Variants in PHKA2 observed in about 807,000 individuals in gnomAD.
The protein encoded by PHKA2 is phosphorylase kinase regulatory subunit alpha 2, also known as phosphorylase b kinase regulatory subunit alpha, liver isoform.
Under a neutral mutation model 102.0 loss-of-function variants are expected in PHKA2, and 31 were observed. That is an observed-to-expected ratio of 0.30 (90% confidence interval 0.23 to 0.41). PHKA2 has a LOEUF of 0.41. Ranked by LOEUF, PHKA2 falls within the 10% of genes least tolerant of loss-of-function variation. The pLI, the probability that PHKA2 is intolerant of heterozygous loss-of-function variation, is 1.00. For missense variants in PHKA2, 858 were observed against 1,023.1 expected, an observed-to-expected ratio of 0.84 and a Z score of 2.20; for synonymous variants, 455 against 416.2, an observed-to-expected ratio of 1.09 and a Z score of -1.13.
chrX:18,897,309 T>C lies in PHKA2; in HGVS notation c.3136A>G (p.Thr1046Ala). The part of the protein sequence containing the change: ...SARSSTPSSP[T>A]GTSSSDSGGH... ...CCCGAGTCTGAGGATGACGTGCCAG[T>C]GGGCGAGGATGGGGTGCTGGACCTC... Residue 1046 changes from threonine to alanine, a missense_variant, in exon 30 of 33, where the codon ACT (threonine) becomes GCT (alanine). Transcript: ENST00000379942. 2 of 1,209,338 alleles carry C rather than the reference T, an allele frequency of 1.7e-6. No individual in the cohort carries two copies. Among genetic ancestry groups the C allele is most frequent in the Non-Finnish European group, 2.2e-6 (2 of 894,908 alleles).
rs1175556735 is a variant in PHKA2, at chrX:18,900,691, C to T, written c.3036G>A (p.Arg1012=). Reference sequence around the variant, plus strand: ...TCACCTGTTCATCAGCACTAAACCGCCTAGTCATCTGAAAGCAAAAATACA... The same window carrying T: ...TCACCTGTTCATCAGCACTAAACCGTCTAGTCATCTGAAAGCAAAAATACA... ...RLRSEMKQMT[R]RFSADEQFFS... The change falls in exon 28 of 33, where the codon AGG becomes AGA. Residue 1012 remains arginine, a synonymous_variant. Transcript: ENST00000379942. 3 of 1,207,381 alleles carry T rather than the reference C, an allele frequency of 2.5e-6. No individual in the cohort carries two copies. The highest frequency in any genetic ancestry group is 3.4e-6 in the Non-Finnish European group (3 of 892,976).
chrX:18,930,531 T>C (rs936847963), intron 12 of PHKA2, among the ~76,000 whole-genome samples: 1 of 111,077 alleles, frequency 9.0e-6, no homozygotes, highest in Non-Finnish European at 1.9e-5. Flanking sequence ...ATCTCACTGA[T>C]ACAGAAATCA....
intron 17 of PHKA2, 47 bp downstream of exon 17, chrX:18,924,009 G>A: frequency 1.1e-6 from 1 of 880,674 alleles, no homozygotes; most frequent in Non-Finnish European, 1.7e-6. Context: ...AGGACTTTAA[G>A]AAAGGTCAGT....
chrX:18,971,706 A>G (rs1035139432), intron 1 of PHKA2, among the ~76,000 whole-genome samples: 10 of 112,698 alleles, frequency 8.9e-5, no homozygotes. Flanking sequence ...TAAATAACAA[A>G]TAATTCCAGA....
chrX:18,956,059 C>T (rs778123561), intron 1 of PHKA2, among the ~76,000 whole-genome samples: 10 of 112,094 alleles, frequency 8.9e-5, no homozygotes, highest in Admixed American at 7.6e-4. Flanking sequence ...TACGGTGGCT[C>T]ACGCCTGTAA....
At chrX:18,902,083 C>T (rs1041996747) in intron 26 of PHKA2, among the ~76,000 whole-genome samples, 9 of 110,967 alleles carry the variant, frequency 8.1e-5, no homozygotes, top group Non-Finnish European at 1.3e-4. Context: ...CCTTGTGATC[C>T]GCCCACCTTG....
At position 18,893,109 on chromosome X, in the gene PHKA2, C is replaced by T. The variant is rs952703951; in HGVS notation, c.*376G>A. 7 of 250,029 alleles carry T rather than the reference C, an allele frequency of 2.8e-5. No homozygotes were observed. The highest frequency in any genetic ancestry group is 5.2e-5 in the South Asian group (1 of 19,406). 20.6% of individuals were successfully genotyped at this position (250,029 alleles called of 1,213,427 possible). A position where few individuals can be genotyped will look rare whatever the true frequency, so the allele number is the denominator to read the frequency against. On this transcript the variant is annotated 3_prime_UTR_variant, in exon 33 of 33. Coordinates refer to ENST00000379942, the MANE Select transcript of PHKA2 (RefSeq NM_000292.3). ...TCTTTAGGATGTGTCACTAGCTCAT[C>T]GAAACTATTTCTGTAACTCTCTGCA...
At chrX:18,917,382 C>T (rs1361343680) in intron 19 of PHKA2, among the ~76,000 whole-genome samples, 1 of 109,034 alleles carries the variant, frequency 9.2e-6, no homozygotes, top group Non-Finnish European at 1.9e-5. Context: ...CCTCAGCCTC[C>T]TGAGTAGCTG....
intron 1 of PHKA2, among the ~76,000 whole-genome samples, chrX:18,975,654 A>T (rs1358446608): frequency 8.9e-6 from 1 of 111,738 alleles, no homozygotes; most frequent in East Asian, 2.8e-4. Flanking sequence ...GTCATTCTTG[A>T]CTTTTCTTTT....
At position 18,901,581 on chromosome X, in the gene PHKA2, T is replaced by C. The variant is rs779938800; in HGVS notation, c.2931A>G (p.Thr977=). 2.2e-5 allele frequency: 26 copies of C among 1,195,540 alleles called. No homozygotes were observed. The highest frequency in any genetic ancestry group is 2.8e-5 in the Non-Finnish European group (25 of 884,350). Residue 977 remains threonine (T), a synonymous_variant, in exon 27 of 33, where the codon ACA becomes ACG. Transcript: ENST00000379942. ...CGTGGATGGAGATGGTAGGGCTGGA[T>C]GTGGAGGAGTGGATAGGGCGCACTG... ...ERSVRPIHSS[T]SSPTISIHEV... is the part of the protein sequence containing the mutation.
chrX:18,963,664 T>C (rs970196953), intron 1 of PHKA2, among the ~76,000 whole-genome samples: 3 of 111,946 alleles, frequency 2.7e-5, no homozygotes, highest in Non-Finnish European at 5.6e-5. Context: ...TATATGGCCA[T>C]GATGAACTAG....
At chrX:18,962,363 C>T (rs747842033) in intron 1 of PHKA2, among the ~76,000 whole-genome samples, 1 of 112,083 alleles carries the variant, frequency 8.9e-6, no homozygotes, top group Non-Finnish European at 1.9e-5. Flanking sequence ...TAGATTGAAA[C>T]AAACTAAACA....
At position 18,894,393 on chromosome X, in the gene PHKA2, A is replaced by T. The variant is rs1184333914; in HGVS notation, c.3348T>A (p.His1116Gln). The T allele has an allele frequency of 6.7e-6, 8 of 1,189,720 alleles. No homozygotes were observed. In the African/African-American group the frequency reaches 8.8e-5, roughly 13 times the overall value. ...PSSTTREMTP[H>Q]EIKFAVHVES... The stretch of plus-strand genomic sequence containing the variant: ...CGACATGGACAGCAAACTTGATCTC[A>T]TGCGGGGTCATCTACCAAAGGGACA... The change falls in exon 32 of 33, where the codon CAT (histidine) becomes CAA (glutamine). Residue 1116 changes from histidine (H) to glutamine (Q), a missense_variant. His to Gln is a conservative substitution (Grantham distance 24, BLOSUM62 0). Around this residue, in one of 2 missense-constraint regions of PHKA2, gnomAD observed 671 missense variants for 745.2 expected, o/e 0.90. Transcript: ENST00000379942.
chrX:18,974,409 T>C (rs1475602431), intron 1 of PHKA2, among the ~76,000 whole-genome samples: 1 of 111,816 alleles, frequency 8.9e-6, no homozygotes, highest in Non-Finnish European at 1.9e-5. Context: ...CCAAATCTAA[T>C]GGTCAACTCT....
intron 9 of PHKA2, 56 bp downstream of exon 9, chrX:18,939,939 G>T: frequency 1.3e-6 from 1 of 797,697 alleles, no homozygotes; most frequent in Non-Finnish European, 1.9e-6. Context: ...ACAACACATT[G>T]GCAACTTAGA....
chrX:18,962,087 A>T (rs759496959), intron 1 of PHKA2, among the ~76,000 whole-genome samples: 33 of 112,151 alleles, frequency 2.9e-4, no homozygotes, highest in African/African-American at 1.0e-3. Context: ...TGTAAAATGA[A>T]AAACAAAAAA....
At chrX:18,983,111 T>A (rs2049200318) in intron 1 of PHKA2, among the ~76,000 whole-genome samples, 1 of 112,116 alleles carries the variant, frequency 8.9e-6, no homozygotes, top group Non-Finnish European at 1.9e-5. Context: ...TTCGTTGACT[T>A]TGAAGGCCCT....
chrX:18,972,521 A>G (rs1413715212), intron 1 of PHKA2, among the ~76,000 whole-genome samples: 1 of 112,303 alleles, frequency 8.9e-6, no homozygotes, highest in African/African-American at 3.2e-5. Context: ...ATTCAAGAAC[A>G]TGCTGTGTCT....
At chrX:18,911,075 G>C (rs2047916524) in intron 19 of PHKA2, 115 bp from the exon 20 acceptor site, 8 of 429,008 alleles carry the variant, frequency 1.9e-5, no homozygotes, top group South Asian at 1.8e-4. Flanking sequence ...GTGTGATCTC[G>C]CCTCACTGCA....
Sources: gnomAD v4.1 joint callset for allele counts (sites outside exome capture counted in the v4.1 genomes callset) on GRCh38, gnomAD v4.1.1 for gene constraint, gnomAD v4.1.1 regional missense constraint, MANE v1.5 for transcripts, NCBI Gene and HGNC (gene_info 2026-07-23, HGNC 2026-07-21) for gene names.